The following ADGRB3 variants were observed in gnomAD, a reference collection of about 807,000 sequenced individuals.
ADGRB3 encodes adhesion G protein-coupled receptor B3.
Under a neutral mutation model 193.4 loss-of-function variants are expected in ADGRB3, and 37 were observed. The ratio of observed to expected loss-of-function variants is 0.19; its 90% CI spans 0.15 to 0.25. The LOEUF (loss-of-function observed/expected upper bound fraction) is 0.25, where lower values mean the gene tolerates loss of function less well. Ranked by LOEUF, ADGRB3 falls within the 10% of genes least tolerant of loss-of-function variation. The pLI, the probability that ADGRB3 is intolerant of heterozygous loss-of-function variation, is 1.00. For missense variants in ADGRB3, 1,637 were observed against 1,852.9 expected (o/e 0.88, Z 2.14); for synonymous variants, 690 against 644.2 (o/e 1.07, Z -1.08).
intron 17 of ADGRB3, among the ~76,000 whole-genome samples, chr6:69,097,893 G>C (rs974245214): frequency 2.6e-5 from 4 of 152,034 alleles, no homozygotes; most frequent in African/African-American, 9.7e-5. Flanking sequence ...ACATTTATGA[G>C]TTATTTTAAA....
chr6:68,799,259 A>C (rs1424549010), intron 3 of ADGRB3, among the ~76,000 whole-genome samples: 1 of 152,178 alleles, frequency 6.6e-6, no homozygotes. Flanking sequence ...GGGAAGAAAA[A>C]GTTATTTAGG....
rs765489730 is a variant in ADGRB3, at chr6:68,643,438, C to CTTTTTTTTTTTTT, written c.757+4016_757+4028dup. ...CTTTCTCTTTACACTCTTCATCTTC[C>CTTTTTTTTTTTTT]TTTTTTTTTTTTTTTTTTTTTTCGT... On this transcript the variant is annotated intron_variant, in intron 3 of 31. Transcript: ENST00000370598. Among the ~76,000 whole-genome samples the CTTTTTTTTTTTTT allele has an allele frequency of 9.7e-4, 63 of 65,022 alleles. 2 individuals are homozygous for CTTTTTTTTTTTTT. Among genetic ancestry groups the CTTTTTTTTTTTTT allele is most frequent in the East Asian group, 1.6e-3 (3 of 1,862 alleles). 42.7% of individuals were successfully genotyped at this position (65,022 alleles called of 152,430 possible). A position where few individuals can be genotyped will look rare whatever the true frequency, so the allele number is the denominator to read the frequency against.
intron 3 of ADGRB3, among the ~76,000 whole-genome samples, chr6:68,792,271 C>G (rs1767121524): frequency 6.6e-6 from 1 of 152,166 alleles, no homozygotes; most frequent in Non-Finnish European, 1.5e-5. Flanking sequence ...GTCTTCCTCA[C>G]TGAGGAACTA....
intron 20 of ADGRB3, among the ~76,000 whole-genome samples, chr6:69,273,022 T>C (rs1205860580): frequency 6.6e-6 from 1 of 152,164 alleles, no homozygotes; most frequent in Non-Finnish European, 1.5e-5. Flanking sequence ...TGCCTCAGCC[T>C]CCCGAGTAGC....
chr6:69,111,311 A>T (rs1206055328), intron 17 of ADGRB3, among the ~76,000 whole-genome samples: 2 of 152,238 alleles, frequency 1.3e-5, no homozygotes, highest in African/African-American at 4.8e-5. Context: ...ATATGTGAAC[A>T]AAACTGAATC....
rs1245426656 is a variant in ADGRB3 at position 69,373,044 on chromosome 6, A to G, written c.4275+603A>G. Among the ~76,000 whole-genome samples, 4 of 152,046 alleles carry G rather than the reference A, an allele frequency of 2.6e-5. No individual in the cohort carries two copies. In the South Asian group the frequency reaches 8.3e-4, roughly 31 times the overall value. ...ACATTGAATTTATATTGATGCTGTAATATGTTTACTCGAAATTACTGAAAT... is the reference window on the plus strand; with the variant it reads ...ACATTGAATTTATATTGATGCTGTAGTATGTTTACTCGAAATTACTGAAAT... On this transcript the variant is annotated intron_variant, in intron 30 of 31. Transcript: ENST00000370598.
At chr6:69,203,273 A>G (rs753063272) in intron 17 of ADGRB3, among the ~76,000 whole-genome samples, 2 of 152,146 alleles carry the variant, frequency 1.3e-5, no homozygotes, top group African/African-American at 2.4e-5. Context: ...TGGTTTTATT[A>G]TCATTATCAT....
intron 8 of ADGRB3, among the ~76,000 whole-genome samples, chr6:68,974,351 A>C (rs1020402866): frequency 6.6e-6 from 1 of 152,224 alleles, no homozygotes; most frequent in Non-Finnish European, 1.5e-5. Context: ...TTCAGTAAAC[A>C]ATATACATTA....
chr6:69,320,809 G>C (rs1398889617), intron 20 of ADGRB3, among the ~76,000 whole-genome samples: 1 of 139,600 alleles, frequency 7.2e-6, no homozygotes, highest in Non-Finnish European at 1.6e-5. Context: ...AAGTATATGT[G>C]CTTGTGCATG....
intron 8 of ADGRB3, among the ~76,000 whole-genome samples, chr6:68,958,697 A>G (rs987847867): frequency 6.6e-6 from 1 of 152,056 alleles, no homozygotes. Context: ...AATTATATAC[A>G]CTACACATTT....
chr6:68,855,442 A>G (rs1764955907), intron 3 of ADGRB3, among the ~76,000 whole-genome samples: 1 of 152,032 alleles, frequency 6.6e-6, no homozygotes. Flanking sequence ...AATTTAATGT[A>G]ATCATGTGTT....
At chr6:69,220,290 G>A (rs961758151) in intron 17 of ADGRB3, among the ~76,000 whole-genome samples, 2 of 152,054 alleles carry the variant, frequency 1.3e-5, no homozygotes, top group African/African-American at 4.8e-5. Flanking sequence ...TAAATTACAA[G>A]TATTATCCAA....
rs193211443 is a variant in ADGRB3 at position 69,341,026 on chromosome 6, T to C, written c.3459+1522T>C. 3.3e-3 allele frequency among the ~76,000 whole-genome samples: 510 copies of C among 152,336 alleles called. 2 individuals are homozygous for C. The highest frequency in any genetic ancestry group is 0.011 in the African/African-American group (478 of 41,568). Reference sequence around the variant, plus strand: ...TATCCAGTCTATCACTGATGGGCATTTGGATTGGTTCCAAGTTTTTGCTAT... The same window carrying C: ...TATCCAGTCTATCACTGATGGGCATCTGGATTGGTTCCAAGTTTTTGCTAT... On this transcript the variant is annotated intron_variant, in intron 26 of 31. Transcript: ENST00000370598.
chr6:69,359,019 T>G (rs1769390429), intron 28 of ADGRB3, among the ~76,000 whole-genome samples: 1 of 151,728 alleles, frequency 6.6e-6, no homozygotes, highest in African/African-American at 2.4e-5. Flanking sequence ...GTGCAAAACT[T>G]AATGTATCTT....
chr6:69,284,339 A>T (rs533099934), intron 20 of ADGRB3, among the ~76,000 whole-genome samples: 11 of 152,272 alleles, frequency 7.2e-5, no homozygotes, highest in African/African-American at 2.6e-4. Context: ...CTTCCTCTTG[A>T]ATCCATCAGA....
At position 68,639,200 on chromosome 6, in the gene ADGRB3, G is replaced by A; in HGVS notation, c.525G>A (p.Leu175=). 1 of 1,614,174 alleles carries A rather than the reference G, an allele frequency of 6.2e-7. No homozygotes were observed. Among genetic ancestry groups the A allele is most frequent in the Non-Finnish European group, 8.5e-7 (1 of 1,180,020 alleles). The change falls in exon 3 of 32, where the codon TTG becomes TTA. Residue 175 remains leucine (L), a synonymous_variant. Coordinates refer to ENST00000370598, the MANE Select transcript of ADGRB3 (RefSeq NM_001704.3). ...GTTGCCATGTATTATGTACTTGGTT[G>A]GAGAGCTGCTTAAAATCAGAAAATG... is the stretch of plus-strand genomic sequence containing the variant. ...QFGCHVLCTW[L]ESCLKSENGR...
chr6:69,318,747 A>G (rs1270999222), intron 20 of ADGRB3, among the ~76,000 whole-genome samples: 2 of 150,274 alleles, frequency 1.3e-5, no homozygotes, highest in African/African-American at 4.9e-5. Context: ...TTCCATTATG[A>G]CTCCATTTTA....
At chr6:68,866,903 C>T (rs182475868) in intron 3 of ADGRB3, among the ~76,000 whole-genome samples, 1 of 152,178 alleles carries the variant, frequency 6.6e-6, no homozygotes, top group East Asian at 1.9e-4. Context: ...TATGGCTGCT[C>T]CTAATAGTAT....
At chr6:69,325,311 T>C (rs576759196) in intron 21 of ADGRB3, among the ~76,000 whole-genome samples, 1 of 152,298 alleles carries the variant, frequency 6.6e-6, no homozygotes, top group East Asian at 1.9e-4. Flanking sequence ...TCTCTGTTAA[T>C]ATTTTCTGAA....
Sources: gnomAD v4.1 joint callset for allele counts (sites outside exome capture counted in the v4.1 genomes callset) on GRCh38, gnomAD v4.1.1 for gene constraint, MANE v1.5 for transcripts, NCBI Gene and HGNC (gene_info 2026-07-23, HGNC 2026-07-21) for gene names.